Variants in NTM observed in about 807,000 individuals in gnomAD.
NTM encodes the protein neurotrimin, also known as IgLON family member 2.
NTM carries 13 observed loss-of-function variants against 42.1 expected under a neutral mutation model. The observed-to-expected ratio is 0.31, with a 90% CI of 0.20 to 0.49. The LOEUF (loss-of-function observed/expected upper bound fraction) is 0.49. NTM is among the 20% of genes least tolerant of loss of function. The probability of loss-of-function intolerance (pLI) is 0.99; values close to 1 mark genes in which losing one functional copy is unlikely to be tolerated. For synonymous variants in NTM, 187 were observed against 179.2 expected, an observed-to-expected ratio of 1.04 and a Z score of -0.35; for missense variants, 373 against 452.8, an observed-to-expected ratio of 0.82 and a Z score of 1.60.
chr11:131,567,114 A>G (rs1165166759), intron 1 of NTM, among the ~76,000 whole-genome samples: 5 of 152,012 alleles, frequency 3.3e-5, no homozygotes, highest in Non-Finnish European at 5.9e-5. Flanking sequence ...CACCTAAGGA[A>G]CATGTCTTTT....
intron 1 of NTM, among the ~76,000 whole-genome samples, chr11:131,851,433 C>A (rs149115280): frequency 8.5e-5 from 13 of 152,230 alleles, no homozygotes; most frequent in African/African-American, 2.9e-4. Context: ...GTATGGCTAA[C>A]ATTTTCATTC....
chr11:131,527,339 A>T (rs949035322), intron 1 of NTM, among the ~76,000 whole-genome samples: 1 of 151,866 alleles, frequency 6.6e-6, no homozygotes, highest in Non-Finnish European at 1.5e-5. Context: ...TTCTCCCCTT[A>T]CTTCATCTCT....
chr11:131,762,846 C>T (rs1302079051), intron 1 of NTM, among the ~76,000 whole-genome samples: 2 of 152,166 alleles, frequency 1.3e-5, no homozygotes, highest in African/African-American at 4.8e-5. Flanking sequence ...AGGCTGGCAG[C>T]CCATGGCTCT....
chr11:131,681,768 A>T (rs1180352927), intron 1 of NTM, among the ~76,000 whole-genome samples: 7 of 81,434 alleles, frequency 8.6e-5, no homozygotes, highest in African/African-American at 2.4e-4. Flanking sequence ...TGTGTGTGTG[A>T]GCGTGTGTGT....
chr11:132,132,258 G>A (rs1188014008), intron 2 of NTM, among the ~76,000 whole-genome samples: 3 of 152,086 alleles, frequency 2.0e-5, no homozygotes, highest in East Asian at 1.9e-4. Context: ...CTCTCCTAAC[G>A]GCTTCCTTTG....
intron 1 of NTM, among the ~76,000 whole-genome samples, chr11:131,830,996 A>T (rs1464900717): frequency 6.6e-6 from 1 of 152,196 alleles, no homozygotes; most frequent in Non-Finnish European, 1.5e-5. Flanking sequence ...GTGTATAGAA[A>T]TGCTACTGAT....
At chr11:131,759,244 A>G (rs558210082) in intron 1 of NTM, among the ~76,000 whole-genome samples, 4 of 152,188 alleles carry the variant, frequency 2.6e-5, no homozygotes, top group African/African-American at 7.2e-5. Context: ...AGGCATATTT[A>G]TAAGACCTCT....
intron 1 of NTM, among the ~76,000 whole-genome samples, chr11:131,618,385 A>G (rs1357948533): frequency 6.6e-6 from 1 of 152,218 alleles, no homozygotes; most frequent in Non-Finnish European, 1.5e-5. Context: ...TCTCTGGACT[A>G]TGGCCAAGTG....
intron 1 of NTM, among the ~76,000 whole-genome samples, chr11:131,495,024 G>A (rs1484951952): frequency 6.6e-6 from 1 of 152,174 alleles, no homozygotes; most frequent in Admixed American, 6.5e-5. Context: ...AGGAAATTTG[G>A]ATGGTTCATT....
chr11:131,851,664 T>C (rs1013805443), intron 1 of NTM, among the ~76,000 whole-genome samples: 1 of 152,008 alleles, frequency 6.6e-6, no homozygotes, highest in Non-Finnish European at 1.5e-5. Flanking sequence ...TCTGTGCCAC[T>C]GATTTTTATA....
intron 1 of NTM, among the ~76,000 whole-genome samples, chr11:131,553,223 G>A (rs1254900768): frequency 3.3e-5 from 5 of 152,142 alleles, no homozygotes; most frequent in Admixed American, 1.3e-4. Flanking sequence ...TTTCTTGTCT[G>A]GGTGGTGGTT....
At chr11:131,520,499 T>C (rs992951602) in intron 1 of NTM, among the ~76,000 whole-genome samples, 5 of 152,214 alleles carry the variant, frequency 3.3e-5, no homozygotes, top group African/African-American at 7.2e-5. Context: ...TTGATGTCTG[T>C]CCAGCATACT....
At chr11:131,559,477 A>G (rs1244338027) in intron 1 of NTM, among the ~76,000 whole-genome samples, 1 of 152,208 alleles carries the variant, frequency 6.6e-6, no homozygotes, top group East Asian at 1.9e-4. Context: ...AGCTAGGTAT[A>G]TTCACCACAC....
At chr11:131,546,014 C>T (rs578182423) in intron 1 of NTM, among the ~76,000 whole-genome samples, 1 of 152,236 alleles carries the variant, frequency 6.6e-6, no homozygotes, top group Admixed American at 6.5e-5. Context: ...TACATGTTAC[C>T]TAATACACTG....
chr11:132,107,828 C>G (rs921855536), intron 2 of NTM, among the ~76,000 whole-genome samples: 4 of 152,180 alleles, frequency 2.6e-5, no homozygotes, highest in African/African-American at 9.7e-5. Context: ...GCATGGTGCA[C>G]TACACCATCT....
intron 4 of NTM, among the ~76,000 whole-genome samples, chr11:132,245,051 C>T (rs1024245961): frequency 1.3e-5 from 2 of 152,122 alleles, no homozygotes; most frequent in East Asian, 3.9e-4. Context: ...TCCAATTCGC[C>T]GTGAAATGTT....
chr11:131,838,302 T>A (rs181821708), intron 1 of NTM, among the ~76,000 whole-genome samples: 1 of 152,242 alleles, frequency 6.6e-6, no homozygotes, highest in East Asian at 1.9e-4. Flanking sequence ...GACCAGCCTA[T>A]GTTATATTAA....
At chr11:131,608,684 T>C (rs1746780016) in intron 1 of NTM, among the ~76,000 whole-genome samples, 1 of 152,204 alleles carries the variant, frequency 6.6e-6, no homozygotes, top group Non-Finnish European at 1.5e-5. Flanking sequence ...CTCGCTCTTT[T>C]TGTCTTTCTC....
chr11:131,846,372 G>A (rs538001565), intron 1 of NTM, among the ~76,000 whole-genome samples: 21 of 151,996 alleles, frequency 1.4e-4, no homozygotes, highest in South Asian at 6.2e-4. Flanking sequence ...GTTTCTTCTC[G>A]TATTTCAAAT....
Sources: allele counts gnomAD v4.1 joint callset (sites outside exome capture counted in the v4.1 genomes callset), GRCh38; gene constraint gnomAD v4.1.1; transcripts MANE v1.5; gene names NCBI Gene and HGNC (gene_info 2026-07-23, HGNC 2026-07-21).